Variants in TJP1 observed in about 807,000 individuals in gnomAD.
TJP1 encodes the protein tight junction protein ZO-1.
In TJP1, 43 loss-of-function variants were observed where a neutral mutation model predicts 194.2. The observed-to-expected ratio is 0.22, with a 90% CI of 0.17 to 0.29. The LOEUF (loss-of-function observed/expected upper bound fraction) is 0.29. Among genes scored for constraint, TJP1 ranks in the 10% least tolerant of loss-of-function variants. The pLI is 1.00. For missense variants in TJP1, 1,971 were observed against 2,185.7 expected (o/e 0.90, Z 1.96); for synonymous variants, 801 against 779.0 (o/e 1.03, Z -0.47).
At chr15:29,729,782 C>T (rs2151222693) in intron 15 of TJP1, among the ~76,000 whole-genome samples, 1 of 149,118 alleles carries the variant, frequency 6.7e-6, no homozygotes, top group Middle Eastern at 3.6e-3. Flanking sequence ...GAGATCGTGC[C>T]ACTGCACTCC....
intron 2 of TJP1, among the ~76,000 whole-genome samples, chr15:29,853,922 A>G (rs2051743021): frequency 6.6e-6 from 1 of 152,168 alleles, no homozygotes; most frequent in African/African-American, 2.4e-5. Flanking sequence ...CATATCCAGG[A>G]GCAACGACGC....
chr15:29,818,703 A>G (rs982620288), intron 1 of TJP1, among the ~76,000 whole-genome samples: 9 of 141,888 alleles, frequency 6.3e-5, no homozygotes, highest in African/African-American at 2.1e-4. Flanking sequence ...TTTTTAGTAG[A>G]GACGGGGTTT....
chr15:29,798,586 T>C (rs1028601830), intron 2 of TJP1, among the ~76,000 whole-genome samples: 3 of 152,142 alleles, frequency 2.0e-5, no homozygotes, highest in Non-Finnish European at 4.4e-5. Flanking sequence ...ACACTGCCAG[T>C]GGTGGTGTTA....
chr15:29,833,038 G>A (rs1011257353), intron 2 of TJP1, among the ~76,000 whole-genome samples: 1 of 152,166 alleles, frequency 6.6e-6, no homozygotes, highest in African/African-American at 2.4e-5. Flanking sequence ...TGTGTACTCT[G>A]AGAACAAATC....
intron 2 of TJP1, among the ~76,000 whole-genome samples, chr15:29,796,549 T>C (rs537479108): frequency 2.6e-5 from 4 of 152,198 alleles, no homozygotes; most frequent in South Asian, 4.1e-4. Flanking sequence ...ATTATATTCA[T>C]AGTTTGGAAT....
intron 1 of TJP1, among the ~76,000 whole-genome samples, chr15:29,961,417 C>T (rs1180477428): frequency 7.4e-6 from 1 of 134,314 alleles, no homozygotes; most frequent in Non-Finnish European, 1.5e-5. Flanking sequence ...GGCGCAATCT[C>T]GGCTCACTGC....
intron 1 of TJP1, among the ~76,000 whole-genome samples, chr15:29,802,869 A>C (rs992430697): frequency 6.6e-6 from 1 of 152,178 alleles, no homozygotes; most frequent in Non-Finnish European, 1.5e-5. Context: ...GTGATGTGAT[A>C]ACATGCACTT....
intron 7 of TJP1, 126 bp downstream of exon 7, chr15:29,761,475 A>G: frequency 7.5e-7 from 1 of 1,336,912 alleles, no homozygotes; most frequent in Non-Finnish European, 1.0e-6. Flanking sequence ...ATGTATATAA[A>G]ACTTATAGAT....
chr15:29,804,254 A>G (rs917897095), intron 1 of TJP1, among the ~76,000 whole-genome samples: 2 of 152,132 alleles, frequency 1.3e-5, no homozygotes, highest in African/African-American at 2.4e-5. Flanking sequence ...TAAAATGATA[A>G]TGGTAGAATC....
chr15:29,811,959 C>T (rs1049228765), intron 1 of TJP1, among the ~76,000 whole-genome samples: 3 of 152,168 alleles, frequency 2.0e-5, no homozygotes, highest in Non-Finnish European at 2.9e-5. Flanking sequence ...TCCTATATGC[C>T]TCCTCTCTGA....
At position 29,781,913 on chromosome 15, in the gene TJP1, G is replaced by A. The variant is rs115282272; in HGVS notation, c.85-8556C>T. On this transcript the variant is annotated intron_variant, in intron 2 of 27. Coordinates refer to ENST00000614355, the MANE Select transcript of TJP1 (RefSeq NM_001330239.4). ...GCATTCTCCTTGAGAACCAGCACAA[G>A]ACAAGGATGCCCTCTCTCATCACTC... 1.9e-3 allele frequency among the ~76,000 whole-genome samples: 286 copies of A among 152,268 alleles called. 1 individual carries two copies. Among genetic ancestry groups the A allele is most frequent in the African/African-American group, 6.7e-3 (278 of 41,566 alleles).
intron 1 of TJP1, among the ~76,000 whole-genome samples, chr15:29,809,526 A>C (rs1280909917): frequency 1.3e-5 from 2 of 152,172 alleles, no homozygotes; most frequent in East Asian, 1.9e-4. Flanking sequence ...CTCATCAAGG[A>C]AAGTTGACAT....
intron 2 of TJP1, among the ~76,000 whole-genome samples, chr15:29,863,210 C>T (rs886607880): frequency 1.3e-5 from 2 of 151,780 alleles, no homozygotes; most frequent in Non-Finnish European, 2.9e-5. Flanking sequence ...GCAGGAGAAT[C>T]GCTTGAACCC....
intron 2 of TJP1, among the ~76,000 whole-genome samples, chr15:29,899,292 G>A (rs1156768040): frequency 6.6e-6 from 1 of 152,160 alleles, no homozygotes; most frequent in Non-Finnish European, 1.5e-5. Flanking sequence ...GGACAGACAA[G>A]TTCCAAATCC....
intron 1 of TJP1, among the ~76,000 whole-genome samples, chr15:29,960,598 T>G (rs1212572534): frequency 6.8e-6 from 1 of 148,020 alleles, no homozygotes; most frequent in Non-Finnish European, 1.5e-5. Flanking sequence ...ATCATACCAC[T>G]GCACTCCAGT....
At chr15:29,757,453 T>C (rs1456333058) in intron 8 of TJP1, among the ~76,000 whole-genome samples, 1 of 152,172 alleles carries the variant, frequency 6.6e-6, no homozygotes, top group Non-Finnish European at 1.5e-5. Flanking sequence ...AAAGACTATA[T>C]ATGGAAGTCC....
rs527684583 is a variant in TJP1 at position 29,770,038 on chromosome 15, G to C, written c.312+2026C>G. On this transcript the variant is annotated intron_variant, in intron 4 of 27. Coordinates refer to ENST00000614355, the MANE Select transcript of TJP1 (RefSeq NM_001330239.4). Reference sequence around the variant, plus strand: ...ACTGCCCCTGAAGACCTCCCACTAGGACAAACTGTGGAGGTGGAAGACAGT... The same window carrying C: ...ACTGCCCCTGAAGACCTCCCACTAGCACAAACTGTGGAGGTGGAAGACAGT... 8.2e-4 allele frequency among the ~76,000 whole-genome samples: 125 copies of C among 152,230 alleles called. 5 individuals carry two copies. In the South Asian group the frequency reaches 0.026, roughly 32 times the overall value.
intron 1 of TJP1, among the ~76,000 whole-genome samples, chr15:29,806,602 T>C (rs1356204964): frequency 6.6e-6 from 1 of 152,196 alleles, no homozygotes; most frequent in Non-Finnish European, 1.5e-5. Context: ...GTTTCTGTTT[T>C]GGTCTTTTTG....
intron 2 of TJP1, among the ~76,000 whole-genome samples, chr15:29,943,782 C>T (rs1222654259): frequency 8.1e-6 from 1 of 124,210 alleles, no homozygotes; most frequent in Non-Finnish European, 1.7e-5. Context: ...AACCCCGTCT[C>T]TACTAAAAAT....
Sources: gnomAD v4.1 joint callset for allele counts (sites outside exome capture counted in the v4.1 genomes callset) on GRCh38, gnomAD v4.1.1 for gene constraint, MANE v1.5 for transcripts, NCBI Gene and HGNC (gene_info 2026-07-23, HGNC 2026-07-21) for gene names.